Variants in OTOG observed in about 807,000 individuals in gnomAD.
OTOG encodes otogelin.
Under a neutral mutation model 313.8 loss-of-function variants are expected in OTOG, and 296 were observed. The observed-to-expected ratio is 0.94, with a 90% CI of 0.86 to 1.04. The LOEUF is 1.04. Among genes scored for constraint, OTOG ranks in the 50% least tolerant of loss-of-function variants. The probability of loss-of-function intolerance (pLI) is 0.00; values close to 1 mark genes in which losing one functional copy is unlikely to be tolerated. For missense variants in OTOG, 3,948 were observed against 3,840.1 expected (o/e 1.03, Z -0.74); for synonymous variants, 1,533 against 1,554.9 (o/e 0.99, Z 0.33).
chr11:17,586,524 CTTGG>C lies in OTOG; in HGVS notation c.2811_2814del (p.Trp938ArgfsTer11). On this transcript the variant is annotated frameshift_variant, in exon 24 of 56. Transcript: ENST00000399397. LOFTEE classifies it high-confidence loss of function. ...TTCCTGCCAGAGGAGTGCCCCTGCA[CTTGG>C]AAGGGGAAGGAGTATTTCCCTGGGG... 6.9e-7 allele frequency: 1 copy of C among 1,453,598 alleles called. No individual in the cohort carries two copies. The highest frequency in any genetic ancestry group is 9.1e-7 in the Non-Finnish European group (1 of 1,098,240). The allele number at this position is 1,453,598 out of a possible 1,614,324, so 90.0% of individuals were successfully genotyped here.
chr11:17,605,045 C>A (rs1320568825), intron 32 of OTOG, among the ~76,000 whole-genome samples: 1 of 152,240 alleles, frequency 6.6e-6, no homozygotes, highest in Non-Finnish European at 1.5e-5. Flanking sequence ...TTCACACACA[C>A]CTCGTTGATG....
chr11:17,581,851 C>G (rs1434990825), intron 23 of OTOG, among the ~76,000 whole-genome samples: 1 of 152,208 alleles, frequency 6.6e-6, no homozygotes, highest in Non-Finnish European at 1.5e-5. Context: ...GGTTCCGCCC[C>G]CACCAGCATT....
chr11:17,550,737 G>A (rs7102164), intron 3 of OTOG, among the ~76,000 whole-genome samples: 42,717 of 152,126 alleles, frequency 0.28, 6,880 homozygotes, highest in Middle Eastern at 0.53. Flanking sequence ...AGGGCCCCAT[G>A]AGATAGATTA....
At chr11:17,640,881 G>A (rs550885488) in intron 50 of OTOG, 32 bp from the exon 51 acceptor site, 35 of 1,549,126 alleles carry the variant, frequency 2.3e-5, no homozygotes, top group South Asian at 1.2e-5. Flanking sequence ...CTGGGCTCTG[G>A]ATGACTGTTG....
chr11:17,615,035 G>A (rs1007373102), intron 39 of OTOG, among the ~76,000 whole-genome samples: 4 of 152,128 alleles, frequency 2.6e-5, no homozygotes, highest in African/African-American at 9.7e-5. Context: ...GGTGGCACGT[G>A]TTTGTTTGTT....
chr11:17,604,697 T>C (rs1290316402), intron 32 of OTOG, among the ~76,000 whole-genome samples: 4 of 152,260 alleles, frequency 2.6e-5, no homozygotes, highest in Non-Finnish European at 4.4e-5. Flanking sequence ...TTGCTCCCTA[T>C]TGTGGCCTCA....
In OTOG at chr11:17,552,052, A is replaced by G; in HGVS notation, c.269A>G (p.His90Arg). Residue 90 changes from histidine (H) to arginine (R), a missense_variant, in exon 4 of 56, where the codon CAT (histidine) becomes CGT (arginine). By Grantham distance (29) the His-to-Arg change is conservative. Coordinates refer to ENST00000399397, the MANE Select transcript of OTOG (RefSeq NM_001292063.2). The part of the protein sequence containing the change: ...VAMSSWERRL[H>R]RAKCAPSYLF... ...ATGTCTTCCTGGGAAAGGCGGCTCC[A>G]TCGGGCCAAGTGTGCACCATCCTGT... 2 of 1,550,528 alleles carry G rather than the reference A, an allele frequency of 1.3e-6. No homozygotes were observed. Among genetic ancestry groups the G allele is most frequent in the East Asian group, 2.4e-5 (1 of 40,916 alleles).
At position 17,586,901 on chromosome 11, in the gene OTOG, A is replaced by G. The variant is rs78287726; in HGVS notation, c.2867+320A>G. ...GTGCAAATCCAAAATGCACATGTGC[A>G]TATGTGAACATGCATGTACATGGAT... On this transcript the variant is annotated intron_variant, in intron 24 of 55. Transcript: ENST00000399397. Among the ~76,000 whole-genome samples the G allele has an allele frequency of 1.6e-3, 249 of 152,358 alleles. 2 individuals are homozygous for G. Among genetic ancestry groups the G allele is most frequent in the African/African-American group, 5.8e-3 (241 of 41,576 alleles).
intron 15 of OTOG, among the ~76,000 whole-genome samples, chr11:17,562,792 C>T (rs779577251): frequency 6.6e-6 from 1 of 152,148 alleles, no homozygotes; most frequent in Admixed American, 6.5e-5. Context: ...CCCTCCCTTC[C>T]TTCCTTCTTT....
intron 8 of OTOG, among the ~76,000 whole-genome samples, 183 bp from the exon 9 acceptor site, chr11:17,558,002 C>T (rs1183299713): frequency 6.6e-6 from 1 of 152,180 alleles, no homozygotes; most frequent in Non-Finnish European, 1.5e-5. Context: ...CTATTACTAT[C>T]AAACAGCTTT....
chr11:17,622,249 A>G (rs542365686), intron 39 of OTOG, among the ~76,000 whole-genome samples: 25 of 152,302 alleles, frequency 1.6e-4, no homozygotes, highest in Non-Finnish European at 2.9e-4. Flanking sequence ...TTTTATGGGT[A>G]GATAGTAGGT....
intron 15 of OTOG, among the ~76,000 whole-genome samples, 167 bp from the exon 16 acceptor site, chr11:17,568,989 G>A (rs565704389): frequency 2.0e-5 from 3 of 152,278 alleles, no homozygotes; most frequent in African/African-American, 4.8e-5. Context: ...CCCATTCCCA[G>A]ACGAGGGTAT....
At chr11:17,572,371 G>C (rs1433308675) in intron 18 of OTOG, among the ~76,000 whole-genome samples, 167 bp downstream of exon 18, 1 of 152,212 alleles carries the variant, frequency 6.6e-6, no homozygotes, top group Non-Finnish European at 1.5e-5. Context: ...TGAGGGCCAG[G>C]CAGGCAGGAA....
At chr11:17,614,592 TG>T (rs1853678597) in intron 39 of OTOG, among the ~76,000 whole-genome samples, 1 of 152,128 alleles carries the variant, frequency 6.6e-6, no homozygotes, top group African/African-American at 2.4e-5. Context: ...GCCTCTTCAT[TG>T]TCAACCCCTC....
At chr11:17,629,094 G>A in intron 39 of OTOG, 39 bp from the exon 40 acceptor site, 3 of 1,518,544 alleles carry the variant, frequency 2.0e-6, no homozygotes, top group Non-Finnish European at 2.7e-6. Context: ...ATGAATGAAT[G>A]GATGGACAAG....
chr11:17,635,077 C>A lies in OTOG; in HGVS notation c.7586-3C>A. The A allele has an allele frequency of 6.5e-7, 1 of 1,546,434 alleles. No individual in the cohort carries two copies. The highest frequency in any genetic ancestry group is 8.7e-7 in the Non-Finnish European group (1 of 1,144,248). On this transcript the variant is annotated splice_region_variant and splice_polypyrimidine_tract_variant and intron_variant, in intron 45 of 55. Coordinates refer to ENST00000399397, the MANE Select transcript of OTOG (RefSeq NM_001292063.2). Reference sequence around the variant, plus strand: ...CAGCACCTAAATTCAGCCTTTTCCCCAGAGTGTGACCCAGATCTCTGTGAG... The same window carrying A: ...CAGCACCTAAATTCAGCCTTTTCCCAAGAGTGTGACCCAGATCTCTGTGAG...
intron 47 of OTOG, 78 bp from the exon 48 acceptor site, chr11:17,638,373 A>G (rs1742955834): frequency 8.2e-7 from 1 of 1,215,092 alleles, no homozygotes; most frequent in Non-Finnish European, 1.1e-6. Context: ...GCCTCTCTTT[A>G]GCCAGTGTTG....
chr11:17,561,948 C>A, intron 15 of OTOG, 141 bp downstream of exon 15: 1 of 1,062,102 alleles, frequency 9.4e-7, no homozygotes, highest in Non-Finnish European at 1.3e-6. Context: ...GAAGACTGGA[C>A]TCCAGCCCAA....
intron 6 of OTOG, 136 bp downstream of exon 6, chr11:17,553,655 C>G: frequency 5.0e-6 from 4 of 804,908 alleles, no homozygotes; most frequent in Non-Finnish European, 6.8e-6. Flanking sequence ...CCCACCCAGG[C>G]AGTCTGCACC....
Sources: allele counts gnomAD v4.1 joint callset (sites outside exome capture counted in the v4.1 genomes callset), GRCh38; gene constraint gnomAD v4.1.1; transcripts MANE v1.5; gene names NCBI Gene and HGNC (gene_info 2026-07-23, HGNC 2026-07-21).